COBL: variants seen among roughly 807,000 people sequenced by gnomAD.
COBL encodes cordon-bleu WH2 repeat protein.
COBL carries 51 observed loss-of-function variants against 98.8 expected under a neutral mutation model. The observed-to-expected ratio is 0.52, with a 90% CI of 0.41 to 0.65. The LOEUF is 0.65. COBL is among the 30% of genes least tolerant of loss of function. COBL has a pLI of 0.00. For synonymous variants in COBL, 634 were observed against 651.7 expected (o/e 0.97, Z 0.41); for missense variants, 1,617 against 1,617.5 (o/e 1.00, Z 0.01).
rs73330633 is a variant in COBL, at chr7:51,273,565, C to T, written c.41+43028G>A. Among the ~76,000 whole-genome samples the T allele has an allele frequency of 2.7e-3, 409 of 152,248 alleles. 5 individuals carry two copies. Among genetic ancestry groups the T allele is most frequent in the African/African-American group, 9.6e-3 (399 of 41,554 alleles). On this transcript the variant is annotated intron_variant, in intron 1 of 12. Transcript: ENST00000265136. ...GGAATGAAGCCTTGAAGCTGACTTA[C>T]CTTGTGACACCTGCTTCTGCCGTTA...
At chr7:51,177,494 C>T (rs1015354032) in intron 5 of COBL, among the ~76,000 whole-genome samples, 1 of 152,124 alleles carries the variant, frequency 6.6e-6, no homozygotes, top group Non-Finnish European at 1.5e-5. Context: ...AAGATTATAG[C>T]CAGGTGCAGT....
intron 1 of COBL, among the ~76,000 whole-genome samples, chr7:51,315,035 T>A (rs561153273): frequency 2.0e-5 from 3 of 152,324 alleles, no homozygotes; most frequent in Admixed American, 6.5e-5. Flanking sequence ...GTTCTCTCTG[T>A]CTTCATATTT....
chr7:51,051,355 C>A (rs1790217829), intron 7 of COBL, among the ~76,000 whole-genome samples: 1 of 152,168 alleles, frequency 6.6e-6, no homozygotes, highest in Non-Finnish European at 1.5e-5. Flanking sequence ...GTGCACATTT[C>A]TAAAGATGTG....
intron 1 of COBL, among the ~76,000 whole-genome samples, chr7:51,250,150 A>C (rs1204620935): frequency 1.3e-5 from 2 of 151,306 alleles, no homozygotes; most frequent in African/African-American, 4.9e-5. Flanking sequence ...CCCTTGACAA[A>C]CCTCCACCAG....
chr7:51,178,059 TC>T (rs1788574426), intron 5 of COBL, among the ~76,000 whole-genome samples: 1 of 152,034 alleles, frequency 6.6e-6, no homozygotes, highest in Non-Finnish European at 1.5e-5. Context: ...AGCAGGAGAA[TC>T]ACTTGAATCT....
At chr7:51,037,691 T>C (rs1788775644) in intron 8 of COBL, among the ~76,000 whole-genome samples, 1 of 152,180 alleles carries the variant, frequency 6.6e-6, no homozygotes, top group African/African-American at 2.4e-5. Context: ...TCACTGGCTG[T>C]ACTATGTTGA....
At chr7:51,084,928 T>C (rs1209128459) in intron 7 of COBL, among the ~76,000 whole-genome samples, 1 of 152,142 alleles carries the variant, frequency 6.6e-6, no homozygotes, top group Non-Finnish European at 1.5e-5. Context: ...CTGCAGCCGT[T>C]TCTCCCCTTC....
chr7:51,203,554 T>C (rs1220717436), intron 2 of COBL, among the ~76,000 whole-genome samples: 3 of 149,522 alleles, frequency 2.0e-5, no homozygotes, highest in African/African-American at 7.4e-5. Context: ...ACAAATATCT[T>C]AGAAATATGA....
intron 1 of COBL, among the ~76,000 whole-genome samples, chr7:51,244,267 G>A (rs530211815): frequency 1.3e-5 from 2 of 152,262 alleles, no homozygotes; most frequent in African/African-American, 4.8e-5. Context: ...CTCTACAGAC[G>A]CCTGGACCAG....
chr7:51,184,561 G>A (rs1584091538), intron 4 of COBL, among the ~76,000 whole-genome samples: 1 of 152,200 alleles, frequency 6.6e-6, no homozygotes, highest in African/African-American at 2.4e-5. Context: ...ACATTAAAAA[G>A]AACCAAGTAA....
At chr7:51,192,941 C>T (rs189425499) in intron 3 of COBL, among the ~76,000 whole-genome samples, 1 of 152,222 alleles carries the variant, frequency 6.6e-6, no homozygotes, top group East Asian at 1.9e-4. Context: ...ATACCTGCCA[C>T]ATTTCAAGTG....
chr7:51,097,595 G>A (rs1431016301), intron 6 of COBL, among the ~76,000 whole-genome samples: 7 of 152,044 alleles, frequency 4.6e-5, no homozygotes, highest in Non-Finnish European at 8.8e-5. Context: ...CATACATTCA[G>A]CAAAGTTGCA....
At position 51,040,783 on chromosome 7, in the gene COBL, G is replaced by A. The variant is rs534051392; in HGVS notation, c.1406+2600C>T. Among the ~76,000 whole-genome samples, 11 of 152,292 alleles carry A rather than the reference G, an allele frequency of 7.2e-5. No homozygotes were observed. In the East Asian group the frequency reaches 2.1e-3, roughly 29 times the overall value. On this transcript the variant is annotated intron_variant, in intron 8 of 12. Coordinates refer to ENST00000265136, the MANE Select transcript of COBL (RefSeq NM_015198.5). ...GGAAAACACGCCATATTCCCTGTTT[G>A]CATAAAGCATCAGGTTCCAAAGACT...
At chr7:51,025,083 A>C (rs1228747553) in intron 12 of COBL, 26 bp downstream of exon 12, 1 of 1,611,852 alleles carries the variant, frequency 6.2e-7, no homozygotes, top group Non-Finnish European at 8.5e-7. Flanking sequence ...GGCCCCATTG[A>C]AATGCGCACA....
intron 1 of COBL, among the ~76,000 whole-genome samples, chr7:51,275,245 C>A (rs1379348236): frequency 6.6e-6 from 1 of 152,174 alleles, no homozygotes; most frequent in Non-Finnish European, 1.5e-5. Flanking sequence ...GTCCAGGCTG[C>A]CCTCCTGCAA....
At chr7:51,284,826 CA>C (rs74813357) in intron 1 of COBL, among the ~76,000 whole-genome samples, 268 of 115,430 alleles carry the variant, frequency 2.3e-3, no homozygotes, top group Admixed American at 2.4e-3. Flanking sequence ...GACTCCGTCT[CA>C]AAAAAAAAAA....
At chr7:51,146,754 T>C (rs1051654857) in intron 5 of COBL, among the ~76,000 whole-genome samples, 4 of 151,896 alleles carry the variant, frequency 2.6e-5, no homozygotes, top group African/African-American at 9.7e-5. Flanking sequence ...TAAAGGCAGG[T>C]GGTGCAGAGG....
intron 6 of COBL, among the ~76,000 whole-genome samples, chr7:51,094,724 C>G (rs774538085): frequency 3.4e-4 from 52 of 151,944 alleles, no homozygotes; most frequent in Non-Finnish European, 2.1e-4. Flanking sequence ...ATACATAATC[C>G]TGGAATATAA....
In COBL at chr7:51,027,833, A is replaced by C; in HGVS notation, c.3263T>G (p.Ile1088Ser). ...TTTGAATTTTTTCTTCGGCCCAAAA[A>C]TGCTGGGTGGCCAAATACTGTCTGT... ...NETDSIWPPS[I>S]FGPKKKFKPV... The change falls in exon 10 of 13, where the codon ATT (isoleucine) becomes AGT (serine). Residue 1088 changes from isoleucine to serine, a missense_variant. This residue lies in a region of COBL where 1,304 missense variants were observed against 1,282.0 expected (regional missense o/e 1.02). Coordinates refer to ENST00000265136, the MANE Select transcript of COBL (RefSeq NM_015198.5). The C allele has an allele frequency of 6.2e-7, 1 of 1,614,238 alleles. No homozygotes were observed. The highest frequency in any genetic ancestry group is 8.5e-7 in the Non-Finnish European group (1 of 1,180,044).
Sources: allele counts gnomAD v4.1 joint callset (sites outside exome capture counted in the v4.1 genomes callset), GRCh38; gene constraint gnomAD v4.1.1; regional missense constraint gnomAD v4.1.1; transcripts MANE v1.5; gene names NCBI Gene and HGNC (gene_info 2026-07-23, HGNC 2026-07-21).